The following PTPN13 variants were observed in gnomAD, a reference collection of about 807,000 sequenced individuals.
The protein encoded by PTPN13 is protein tyrosine phosphatase non-receptor type 13, also known as tyrosine-protein phosphatase non-receptor type 13.
PTPN13 carries 191 observed loss-of-function variants against 284.0 expected under a neutral mutation model. The ratio of observed to expected loss-of-function variants is 0.67; its 90% CI spans 0.60 to 0.76. The LOEUF (loss-of-function observed/expected upper bound fraction) is 0.76. Ranked by LOEUF, PTPN13 falls within the 30% of genes least tolerant of loss-of-function variation. The pLI, the probability that PTPN13 is intolerant of heterozygous loss-of-function variation, is 0.00. For synonymous variants in PTPN13, 986 were observed against 1,022.3 expected, an observed-to-expected ratio of 0.96 and a Z score of 0.68; for missense variants, 2,797 against 2,939.9, an observed-to-expected ratio of 0.95 and a Z score of 1.12.
intron 1 of PTPN13, among the ~76,000 whole-genome samples, chr4:86,612,573 A>C (rs904335164): frequency 6.6e-6 from 1 of 152,214 alleles, no homozygotes; most frequent in South Asian, 2.1e-4. Context: ...CACCTTCGGA[A>C]TCTCCGTGAA....
In PTPN13 at chr4:86,811,332, A is replaced by G. The variant is rs140346029; in HGVS notation, c.7362+224A>G. On this transcript the variant is annotated intron_variant, in intron 47 of 47. Coordinates refer to ENST00000411767, the MANE Select transcript of PTPN13 (RefSeq NM_080683.3). ...TGTTGCCTTTTAATTTAAAAATGCAATATCTGCACTGAAGAGATTACAGAG... is the reference window on the plus strand; with the variant it reads ...TGTTGCCTTTTAATTTAAAAATGCAGTATCTGCACTGAAGAGATTACAGAG... Among the ~76,000 whole-genome samples the G allele has an allele frequency of 1.5e-3, 228 of 152,334 alleles. 1 individual carries two copies. The highest frequency in any genetic ancestry group is 5.1e-3 in the African/African-American group (212 of 41,588).
intron 40 of PTPN13, among the ~76,000 whole-genome samples, chr4:86,790,342 T>G (rs1339945911): frequency 6.6e-6 from 1 of 152,198 alleles, no homozygotes; most frequent in Non-Finnish European, 1.5e-5. Flanking sequence ...AGGTGTCATT[T>G]TTATTAAATG....
intron 7 of PTPN13, among the ~76,000 whole-genome samples, chr4:86,714,416 CCT>C (rs1732774611): frequency 6.6e-6 from 1 of 152,078 alleles, no homozygotes; most frequent in Non-Finnish European, 1.5e-5. Flanking sequence ...TTTTCCATCT[CCT>C]GTTTCCTTCA....
intron 1 of PTPN13, among the ~76,000 whole-genome samples, chr4:86,615,157 G>A (rs1465849054): frequency 6.6e-6 from 1 of 152,128 alleles, no homozygotes; most frequent in Non-Finnish European, 1.5e-5. Context: ...GTTAGTCCAA[G>A]TGAAATGTTA....
intron 39 of PTPN13, 147 bp from the exon 40 acceptor site, chr4:86,785,701 C>T (rs888643770): frequency 2.7e-5 from 13 of 488,390 alleles, no homozygotes; most frequent in Non-Finnish European, 4.6e-5. Flanking sequence ...TGTACTTGAT[C>T]ATTTCTTCCT....
intron 2 of PTPN13, among the ~76,000 whole-genome samples, chr4:86,647,170 G>T (rs147298313): frequency 5.9e-5 from 9 of 152,164 alleles, no homozygotes; most frequent in African/African-American, 2.2e-4. Context: ...AGTTTCACAG[G>T]CATATTCATA....
At chr4:86,692,797 C>T (rs1481538558) in intron 5 of PTPN13, among the ~76,000 whole-genome samples, 2 of 152,084 alleles carry the variant, frequency 1.3e-5, no homozygotes, top group Admixed American at 6.5e-5. Context: ...TAGCATTTCT[C>T]GGCCAGGCAT....
chr4:86,791,685 T>C (rs941332952), intron 40 of PTPN13, among the ~76,000 whole-genome samples: 2 of 152,210 alleles, frequency 1.3e-5, no homozygotes, highest in Non-Finnish European at 2.9e-5. Context: ...TTTGCTGTTC[T>C]GCAGCCTCCG....
chr4:86,709,436 G>A (rs1045369682), intron 7 of PTPN13, among the ~76,000 whole-genome samples: 14 of 152,098 alleles, frequency 9.2e-5, no homozygotes, highest in African/African-American at 3.4e-4. Context: ...GTAAGTGTTT[G>A]TTAATATAAA....
chr4:86,603,254 C>A (rs112258717), intron 1 of PTPN13, among the ~76,000 whole-genome samples: 3 of 151,710 alleles, frequency 2.0e-5, no homozygotes, highest in Non-Finnish European at 4.4e-5. Context: ...AAGAAGATTC[C>A]AAAAATATTT....
intron 7 of PTPN13, among the ~76,000 whole-genome samples, chr4:86,709,422 C>G (rs1732129581): frequency 6.6e-6 from 1 of 152,074 alleles, no homozygotes; most frequent in Admixed American, 6.5e-5. Context: ...ATAATAGGTA[C>G]TCAGTAAGTG....
At chr4:86,776,291 G>A (rs1740635474) in intron 35 of PTPN13, among the ~76,000 whole-genome samples, 1 of 152,112 alleles carries the variant, frequency 6.6e-6, no homozygotes, top group African/African-American at 2.4e-5. Flanking sequence ...CCAGAGATAG[G>A]GTGGTCATCA....
intron 40 of PTPN13, among the ~76,000 whole-genome samples, chr4:86,796,468 C>G (rs933208901): frequency 4.6e-5 from 7 of 151,608 alleles, no homozygotes; most frequent in Non-Finnish European, 7.4e-5. Flanking sequence ...GATCCCATCT[C>G]TACAGAAAAA....
intron 40 of PTPN13, among the ~76,000 whole-genome samples, chr4:86,791,569 G>A (rs374446712): frequency 3.3e-5 from 5 of 152,226 alleles, no homozygotes; most frequent in Non-Finnish European, 5.9e-5. Context: ...CCTGATCCCC[G>A]TGTAGCCTGA....
intron 4 of PTPN13, among the ~76,000 whole-genome samples, chr4:86,688,800 A>G (rs1399772210): frequency 1.3e-5 from 2 of 152,176 alleles, no homozygotes; most frequent in Admixed American, 1.3e-4. Flanking sequence ...TTTCTAGGGA[A>G]GTATAAGTTA....
intron 25 of PTPN13, 124 bp from the exon 26 acceptor site, chr4:86,765,271 T>C (rs1339585881): frequency 6.1e-6 from 4 of 659,744 alleles, no homozygotes; most frequent in Non-Finnish European, 1.1e-5. Flanking sequence ...GAATATACTG[T>C]ACATCAGCAC....
chr4:86,741,257 T>A (rs1487627734), intron 15 of PTPN13, among the ~76,000 whole-genome samples: 2 of 152,206 alleles, frequency 1.3e-5, no homozygotes, highest in Non-Finnish European at 2.9e-5. Flanking sequence ...GATAAAGACA[T>A]ACCTGAGACA....
intron 18 of PTPN13, 51 bp downstream of exon 18, chr4:86,750,938 A>G: frequency 6.3e-7 from 1 of 1,578,746 alleles, no homozygotes; most frequent in East Asian, 2.2e-5. Context: ...TCTACATTTC[A>G]TACGTTTCTT....
chr4:86,646,126 T>C (rs1401418161), intron 2 of PTPN13, among the ~76,000 whole-genome samples: 1 of 151,998 alleles, frequency 6.6e-6, no homozygotes, highest in Non-Finnish European at 1.5e-5. Context: ...ACGGTAGTTG[T>C]GTCCCTGAGT....
Sources: allele counts gnomAD v4.1 joint callset (sites outside exome capture counted in the v4.1 genomes callset), GRCh38; gene constraint gnomAD v4.1.1; transcripts MANE v1.5; gene names NCBI Gene and HGNC (gene_info 2026-07-23, HGNC 2026-07-21).